RBFOX1: variants seen among roughly 807,000 people sequenced by gnomAD.
RBFOX1 encodes the protein RNA binding fox-1 homolog 1.
In RBFOX1, 8 loss-of-function variants were observed where a neutral mutation model predicts 57.7. The observed-to-expected ratio is 0.14, with a 90% confidence interval of 0.08 to 0.25. The LOEUF (loss-of-function observed/expected upper bound fraction) is 0.25, where lower values mean the gene tolerates loss of function less well. Among genes scored for constraint, RBFOX1 ranks in the 10% least tolerant of loss-of-function variants. The pLI, the probability that RBFOX1 is intolerant of heterozygous loss-of-function variation, is 1.00. For synonymous variants in RBFOX1, 326 were observed against 222.4 expected, an observed-to-expected ratio of 1.47 and a Z score of -4.15; for missense variants, 611 against 548.5, an observed-to-expected ratio of 1.11 and a Z score of -1.14.
chr16:7,590,547 G>A (rs553411397), intron 7 of RBFOX1, among the ~76,000 whole-genome samples: 1 of 152,118 alleles, frequency 6.6e-6, no homozygotes, highest in African/African-American at 2.4e-5. Flanking sequence ...TGCAGATATA[G>A]CTACTCCCTA....
chr16:7,245,620 G>A (rs1478052506), intron 4 of RBFOX1, among the ~76,000 whole-genome samples: 1 of 152,200 alleles, frequency 6.6e-6, no homozygotes, highest in Admixed American at 6.5e-5. Flanking sequence ...CTTTTGGAGA[G>A]CTAGAGAAAG....
At chr16:7,223,595 C>G (rs1287764796) in intron 4 of RBFOX1, among the ~76,000 whole-genome samples, 1 of 151,994 alleles carries the variant, frequency 6.6e-6, no homozygotes, top group African/African-American at 2.4e-5. Context: ...TCACATCCAC[C>G]TCAGCTTAAC....
At chr16:7,530,337 G>A (rs1349208670) in intron 5 of RBFOX1, among the ~76,000 whole-genome samples, 1 of 151,938 alleles carries the variant, frequency 6.6e-6, no homozygotes, top group Non-Finnish European at 1.5e-5. Context: ...ACATACCCGG[G>A]GTTATCTCTG....
chr16:5,738,811 C>T (rs2052673454), intron 3 of RBFOX1, among the ~76,000 whole-genome samples: 1 of 152,180 alleles, frequency 6.6e-6, no homozygotes, highest in Non-Finnish European at 1.5e-5. Context: ...CAGTGGAATG[C>T]CAAACATTAG....
At chr16:5,922,179 CA>C (rs560599706) in intron 4 of RBFOX1, among the ~76,000 whole-genome samples, 34 of 152,138 alleles carry the variant, frequency 2.2e-4, no homozygotes, top group African/African-American at 7.7e-4. Flanking sequence ...AACAAACCCC[CA>C]AACCCTAGCT....
At chr16:6,388,113 G>GGGCATGCT (rs2092400131) in intron 2 of RBFOX1, among the ~76,000 whole-genome samples, 1 of 151,088 alleles carries the variant, frequency 6.6e-6, no homozygotes, top group African/African-American at 2.4e-5. Flanking sequence ...CCGAGTAGCT[G>GGGCATGCT]GGACTACAGG....
Position 5,626,801 on chromosome 16 carries a change from C to G in RBFOX1, c.318+27840C>G, listed in dbSNP as rs149962967. 4.5e-3 allele frequency among the ~76,000 whole-genome samples: 681 copies of G among 152,194 alleles called. 10 individuals carry two copies. Among genetic ancestry groups the G allele is most frequent in the African/African-American group, 0.016 (648 of 41,530 alleles). ...TAAAAAAAAAAGCTCAACTCTCTTGCTTTCCTTGGTGCCCTTCTGAGCACA... is the reference window on the plus strand; with the variant it reads ...TAAAAAAAAAAGCTCAACTCTCTTGGTTTCCTTGGTGCCCTTCTGAGCACA... On this transcript the variant is annotated intron_variant, in intron 3 of 19. Transcript: ENST00000641259.
At chr16:7,370,303 C>A (rs907394029) in intron 4 of RBFOX1, among the ~76,000 whole-genome samples, 47 of 152,262 alleles carry the variant, frequency 3.1e-4, no homozygotes, top group African/African-American at 1.1e-3. Context: ...TACTAAGAAG[C>A]AGACATGTTA....
intron 4 of RBFOX1, among the ~76,000 whole-genome samples, chr16:7,229,577 GAGA>G (rs1452611364): frequency 2.2e-5 from 3 of 137,398 alleles, no homozygotes; most frequent in African/African-American, 3.0e-5. Context: ...GGAGGGGAAG[GAGA>G]AAGGGAGAGA....
chr16:6,207,765 G>A (rs1411408514), intron 1 of RBFOX1, among the ~76,000 whole-genome samples: 1 of 152,172 alleles, frequency 6.6e-6, no homozygotes, highest in South Asian at 2.1e-4. Flanking sequence ...GTAAGTAACT[G>A]TAGCCTCAAA....
At chr16:6,850,475 G>C (rs946193803) in intron 3 of RBFOX1, among the ~76,000 whole-genome samples, 1 of 152,066 alleles carries the variant, frequency 6.6e-6, no homozygotes, top group African/African-American at 2.4e-5. Context: ...CTTATCAGGA[G>C]ACTGATTGCC....
intron 4 of RBFOX1, among the ~76,000 whole-genome samples, chr16:7,173,550 C>T (rs1185952860): frequency 1.3e-5 from 2 of 151,976 alleles, no homozygotes; most frequent in Non-Finnish European, 2.9e-5. Context: ...CATTGTATTT[C>T]AGCATTTGTC....
chr16:5,980,324 GA>G (rs1242867465), intron 4 of RBFOX1, among the ~76,000 whole-genome samples: 1 of 152,210 alleles, frequency 6.6e-6, no homozygotes, highest in East Asian at 1.9e-4. Flanking sequence ...GGGGGCGGCA[GA>G]ACGGTATAGA....
chr16:7,027,399 C>G (rs928162336), intron 3 of RBFOX1, among the ~76,000 whole-genome samples: 1 of 151,998 alleles, frequency 6.6e-6, no homozygotes, highest in Non-Finnish European at 1.5e-5. Context: ...TAACAAAAAC[C>G]CTGTAAGTTA....
intron 12 of RBFOX1, among the ~76,000 whole-genome samples, chr16:7,657,399 G>T (rs890342648): frequency 4.6e-5 from 7 of 152,136 alleles, no homozygotes; most frequent in Non-Finnish European, 8.8e-5. Flanking sequence ...CCACCTCCTG[G>T]GTTCAAGTGA....
chr16:5,553,611 A>G (rs1265268847), intron 2 of RBFOX1, among the ~76,000 whole-genome samples: 1 of 152,018 alleles, frequency 6.6e-6, no homozygotes, highest in Non-Finnish European at 1.5e-5. Flanking sequence ...CACCACGCCC[A>G]GCCATGTCTG....
At chr16:7,015,882 A>G (rs891660111) in intron 3 of RBFOX1, among the ~76,000 whole-genome samples, 11 of 152,050 alleles carry the variant, frequency 7.2e-5, no homozygotes, top group African/African-American at 1.2e-4. Context: ...AATTACATCT[A>G]TAGAGGTAAG....
intron 4 of RBFOX1, among the ~76,000 whole-genome samples, chr16:7,460,719 A>C (rs1445588775): frequency 6.6e-6 from 1 of 151,944 alleles, no homozygotes; most frequent in Non-Finnish European, 1.5e-5. Flanking sequence ...AACTTAAAAA[A>C]TTTTAAACAA....
Position 6,314,961 on chromosome 16 carries a change from C to G in RBFOX1, c.-126-2034C>G, listed in dbSNP as rs4786858. On this transcript the variant is annotated intron_variant, in intron 1 of 15. Coordinates refer to ENST00000550418, the MANE Select transcript of RBFOX1 (RefSeq NM_018723.4). ...CTCCGTTGCCACTTCCTTGATGGAGCCTTCCCCACTGTCCCCGGTGAAGAT... is the reference window on the plus strand; with the variant it reads ...CTCCGTTGCCACTTCCTTGATGGAGGCTTCCCCACTGTCCCCGGTGAAGAT... Among the ~76,000 whole-genome samples the G allele has an allele frequency of 1.5e-3, 233 of 152,164 alleles. 4 individuals are homozygous for G. Among genetic ancestry groups the G allele is most frequent in the African/African-American group, 5.3e-3 (221 of 41,526 alleles).
Sources: gnomAD v4.1 joint callset for allele counts (sites outside exome capture counted in the v4.1 genomes callset) on GRCh38, gnomAD v4.1.1 for gene constraint, MANE v1.5 for transcripts, NCBI Gene and HGNC (gene_info 2026-07-23, HGNC 2026-07-21) for gene names.